The following FAM110B variants were observed in gnomAD, a reference collection of about 807,000 sequenced individuals.
The protein encoded by FAM110B is family with sequence similarity 110 member B, also known as protein FAM110B.
FAM110B carries 6 observed loss-of-function variants against 20.4 expected under a neutral mutation model. That is an observed-to-expected ratio of 0.29 (90% CI 0.16 to 0.58). The LOEUF (loss-of-function observed/expected upper bound fraction) is 0.58. FAM110B is among the 20% of genes least tolerant of loss of function. FAM110B has a pLI of 0.90. For synonymous variants in FAM110B, 226 were observed against 214.1 expected, an observed-to-expected ratio of 1.06 and a Z score of -0.49; for missense variants, 434 against 498.2, an observed-to-expected ratio of 0.87 and a Z score of 1.23.
At chr8:58,020,870 C>T (rs975502796) in intron 1 of FAM110B, among the ~76,000 whole-genome samples, 12 of 151,870 alleles carry the variant, frequency 7.9e-5, no homozygotes, top group Non-Finnish European at 1.6e-4. Context: ...TACTGCGAGT[C>T]TCTCTCTGAT....
rs987558113 is a variant in FAM110B, at chr8:58,022,451, G to A, written c.-511-9155G>A. 2.0e-5 allele frequency among the ~76,000 whole-genome samples: 3 copies of A among 152,120 alleles called. No individual in the cohort carries two copies. In the South Asian group the frequency reaches 6.2e-4, roughly 32 times the overall value. On this transcript the variant is annotated intron_variant, in intron 1 of 3. Transcript: ENST00000519262. ...AAGAATTCTGGAGATGGGTGGTGGC[G>A]ATGGTTGTACAATAGTGTGATAGTA...
chr8:58,085,565 C>T (rs1354566205), intron 3 of FAM110B, among the ~76,000 whole-genome samples: 2 of 152,172 alleles, frequency 1.3e-5, no homozygotes, highest in Admixed American at 6.5e-5. Flanking sequence ...AAGATTTTGA[C>T]CATTGGCCTA....
At chr8:58,090,276 G>C (rs1016846544) in intron 3 of FAM110B, among the ~76,000 whole-genome samples, 1 of 152,062 alleles carries the variant, frequency 6.6e-6, no homozygotes, top group Non-Finnish European at 1.5e-5. Context: ...TCTCCTTCCC[G>C]AGCCTCCCAA....
At chr8:58,107,164 A>G (rs530084928) in intron 3 of FAM110B, among the ~76,000 whole-genome samples, 4 of 152,302 alleles carry the variant, frequency 2.6e-5, no homozygotes, top group Admixed American at 6.5e-5. Context: ...AATATTATCA[A>G]TAGTTTCCTA....
At chr8:58,003,461 A>G (rs781614982) in intron 1 of FAM110B, among the ~76,000 whole-genome samples, 2 of 152,140 alleles carry the variant, frequency 1.3e-5, no homozygotes, top group African/African-American at 2.4e-5. Flanking sequence ...TTACTTTTCC[A>G]CTTTTCCTGG....
chr8:58,105,949 CT>C (rs1806901571), intron 3 of FAM110B, among the ~76,000 whole-genome samples: 1 of 152,076 alleles, frequency 6.6e-6, no homozygotes, highest in Non-Finnish European at 1.5e-5. Context: ...CCTTTTTCAA[CT>C]TTGAATGTTT....
At position 58,146,398 on chromosome 8, in the gene FAM110B, C is replaced by T. The variant is rs775487158; in HGVS notation, c.168C>T (p.Ala56=). ...KRLSAVERLE[A]DKAKYVKSQE... ...TCAGCGCCGTGGAGAGGCTGGAGGC[C>T]GACAAGGCCAAGTACGTCAAGAGCC... Residue 56 remains alanine, a synonymous_variant, in exon 4 of 4, where the codon GCC becomes GCT. Transcript: ENST00000519262. 14 of 1,613,888 alleles carry T rather than the reference C, an allele frequency of 8.7e-6. No individual in the cohort carries two copies. Among genetic ancestry groups the T allele is most frequent in the Admixed American group, 5.0e-5 (3 of 60,002 alleles).
chr8:58,107,483 G>C (rs921677288), intron 3 of FAM110B, among the ~76,000 whole-genome samples: 1 of 152,148 alleles, frequency 6.6e-6, no homozygotes, highest in Non-Finnish European at 1.5e-5. Flanking sequence ...TTGTTTGCTC[G>C]TTTAAGTCAA....
At position 58,146,219 on chromosome 8, in the gene FAM110B, A is replaced by G; in HGVS notation, c.-12A>G. The G allele has an allele frequency of 1.9e-6, 3 of 1,580,268 alleles. No individual in the cohort carries two copies. Among genetic ancestry groups the G allele is most frequent in the Non-Finnish European group, 2.6e-6 (3 of 1,160,274 alleles). On this transcript the variant is annotated 5_prime_UTR_variant, in exon 4 of 4. Transcript: ENST00000519262. ...AGCATCCAACACGGCTGCCGGGGAA[A>G]GACCGCCCACCATGCCCACGGAGAC...
chr8:58,108,849 C>T (rs1806983585), intron 3 of FAM110B, among the ~76,000 whole-genome samples: 1 of 152,204 alleles, frequency 6.6e-6, no homozygotes, highest in African/African-American at 2.4e-5. Context: ...CTTCATTCCT[C>T]CTTCATCTGG....
Position 58,081,125 on chromosome 8 carries a change from A to G in FAM110B, c.-325+5502A>G, listed in dbSNP as rs575729904. Reference sequence around the variant, plus strand: ...GCCCTCTTCATCACCAAACAACCCCATTACTGACTTAGCCCTGTGCTGGTC... The same window carrying G: ...GCCCTCTTCATCACCAAACAACCCCGTTACTGACTTAGCCCTGTGCTGGTC... On this transcript the variant is annotated intron_variant, in intron 3 of 3. Transcript: ENST00000519262. Among the ~76,000 whole-genome samples, 8 of 152,220 alleles carry G rather than the reference A, an allele frequency of 5.3e-5. No homozygotes were observed. The East Asian group carries it at 1.5e-3, about 29-fold the overall frequency.
chr8:58,137,574 C>T (rs1172251001), intron 3 of FAM110B, among the ~76,000 whole-genome samples: 1 of 152,016 alleles, frequency 6.6e-6, no homozygotes, highest in South Asian at 2.1e-4. Flanking sequence ...AAAAAAACAG[C>T]TTACGTTTAC....
chr8:58,049,023 TTG>T (rs1219452892), intron 2 of FAM110B, among the ~76,000 whole-genome samples: 6 of 152,178 alleles, frequency 3.9e-5, no homozygotes, highest in African/African-American at 1.4e-4. Flanking sequence ...AGGATAGATA[TTG>T]TGTGTGTGTT....
intron 2 of FAM110B, among the ~76,000 whole-genome samples, chr8:58,039,264 C>T (rs1163263057): frequency 6.6e-6 from 1 of 152,168 alleles, no homozygotes; most frequent in African/African-American, 2.4e-5. Flanking sequence ...AGGGAGCTCT[C>T]TTAGATCAGC....
chr8:58,061,303 A>G (rs1431120720), intron 2 of FAM110B, among the ~76,000 whole-genome samples: 2 of 152,194 alleles, frequency 1.3e-5, no homozygotes, highest in South Asian at 2.1e-4. Flanking sequence ...CATCTGTCGG[A>G]TACTTTGTGC....
chr8:58,133,480 C>G (rs1195933786), intron 3 of FAM110B, among the ~76,000 whole-genome samples: 2 of 152,166 alleles, frequency 1.3e-5, no homozygotes, highest in Non-Finnish European at 2.9e-5. Flanking sequence ...TACCACCACT[C>G]ACCATTCGGG....
chr8:58,009,102 G>A (rs1804474535), intron 1 of FAM110B, among the ~76,000 whole-genome samples: 2 of 152,336 alleles, frequency 1.3e-5, no homozygotes, highest in Non-Finnish European at 2.9e-5. Context: ...ATCTCTGCCT[G>A]ACCACTAGAC....
At position 58,147,681 on chromosome 8, in the gene FAM110B, T is replaced by A; in HGVS notation, c.*338T>A. ...ATATCCCGCGCTATTGTGTCTTAAT[T>A]AAAAGTTTTATCAACTGGCTTTTAA... On this transcript the variant is annotated 3_prime_UTR_variant, in exon 4 of 4. Coordinates refer to ENST00000519262, the MANE Select transcript of FAM110B (RefSeq NM_001377989.1). The A allele has an allele frequency of 4.3e-6, 1 of 234,554 alleles. No homozygotes were observed. The highest frequency in any genetic ancestry group is 9.1e-6 in the Non-Finnish European group (1 of 109,952). 14.5% of individuals were successfully genotyped at this position (234,554 alleles called of 1,614,324 possible).
chr8:58,033,003 C>T (rs1216816500), intron 2 of FAM110B, among the ~76,000 whole-genome samples: 1 of 152,088 alleles, frequency 6.6e-6, no homozygotes, highest in Non-Finnish European at 1.5e-5. Flanking sequence ...ATAAATGATC[C>T]CATCAGCCAG....
Sources: gnomAD v4.1 joint callset for allele counts (sites outside exome capture counted in the v4.1 genomes callset) on GRCh38, gnomAD v4.1.1 for gene constraint, MANE v1.5 for transcripts, NCBI Gene and HGNC (gene_info 2026-07-23, HGNC 2026-07-21) for gene names.